Variants in ZNF354A observed in about 807,000 individuals in gnomAD.
The protein encoded by ZNF354A is epididymis luminal protein 104.
A neutral mutation model predicts 53.3 loss-of-function variants in ZNF354A; 25 were observed. That is an observed-to-expected ratio of 0.47 (90% CI 0.34 to 0.66). The LOEUF is 0.66. Among genes scored for constraint, ZNF354A ranks in the 30% least tolerant of loss-of-function variants. ZNF354A has a pLI of 0.01. For synonymous variants in ZNF354A, 228 were observed against 249.0 expected, an observed-to-expected ratio of 0.92 and a Z score of 0.79; for missense variants, 586 against 716.8, an observed-to-expected ratio of 0.82 and a Z score of 2.08.
At position 178,712,526 on chromosome 5, in the gene ZNF354A, G is replaced by A. The variant is rs1765638469; in HGVS notation, c.1352C>T (p.Ser451Leu). 1.9e-6 allele frequency: 3 copies of A among 1,613,996 alleles called. No individual in the cohort carries two copies. Among genetic ancestry groups the A allele is most frequent in the South Asian group, 2.2e-5 (2 of 91,080 alleles). The change falls in exon 5 of 5, where the codon TCA (serine) becomes TTA (leucine). Residue 451 changes from serine (S) to leucine (L), a missense_variant. Coordinates refer to ENST00000335815, the MANE Select transcript of ZNF354A (RefSeq NM_005649.3). ...AATTCGCTCGTGAATAATAAGTGTT[G>A]AGTGGGAGCTTAAGGCTTTACCACA... Reference protein sequence around the residue: ...NECGKALSSHSTLIIHERIHT... With the variant: ...NECGKALSSHLTLIIHERIHT...
intron 4 of ZNF354A, among the ~76,000 whole-genome samples, chr5:178,714,856 G>C (rs1038093595): frequency 6.6e-6 from 1 of 152,200 alleles, no homozygotes; most frequent in African/African-American, 2.4e-5. Flanking sequence ...GTACATGGGT[G>C]ATTAGAGAGG....
At chr5:178,726,924 C>G (rs5011203) in intron 3 of ZNF354A, 75 bp downstream of exon 3, 2 of 1,527,092 alleles carry the variant, frequency 1.3e-6, no homozygotes, top group Non-Finnish European at 1.8e-6. Flanking sequence ...AGTGACCAAC[C>G]GCTTTTATTC....
chr5:178,721,218 C>T (rs760308722), intron 4 of ZNF354A, among the ~76,000 whole-genome samples: 40 of 151,920 alleles, frequency 2.6e-4, no homozygotes, highest in African/African-American at 6.8e-4. Flanking sequence ...CTGAGATACG[C>T]GTTGTTGGCG....
chr5:178,725,905 T>C (rs1301992993), intron 3 of ZNF354A, among the ~76,000 whole-genome samples: 1 of 152,152 alleles, frequency 6.6e-6, no homozygotes, highest in Non-Finnish European at 1.5e-5. Context: ...TGGAGTGCAG[T>C]GGCGCAATCT....
chr5:178,723,798 C>A (rs566637277), intron 4 of ZNF354A, among the ~76,000 whole-genome samples: 10 of 151,982 alleles, frequency 6.6e-5, no homozygotes, highest in Non-Finnish European at 1.2e-4. Flanking sequence ...CCAGAGCCCC[C>A]CCAGTTCAAC....
At chr5:178,725,333 A>AC in intron 4 of ZNF354A, 43 bp downstream of exon 4, 1 of 1,586,080 alleles carries the variant, frequency 6.3e-7, no homozygotes, top group East Asian at 2.2e-5. Flanking sequence ...CATTAACCAG[A>AC]CCATTGTCTG....
chr5:178,716,120 C>A (rs190520553), intron 4 of ZNF354A, among the ~76,000 whole-genome samples: 23 of 152,194 alleles, frequency 1.5e-4, no homozygotes, highest in Admixed American at 1.2e-3. Context: ...TGGTCTCGAA[C>A]TCCTGATCTC....
chr5:178,714,892 G>T (rs566225415), intron 4 of ZNF354A, among the ~76,000 whole-genome samples: 32 of 152,308 alleles, frequency 2.1e-4, no homozygotes, highest in Admixed American at 2.0e-3. Context: ...AAACAGGAGG[G>T]CCCTGTTATT....
At chr5:178,723,237 G>C (rs1203947148) in intron 4 of ZNF354A, among the ~76,000 whole-genome samples, 1 of 152,246 alleles carries the variant, frequency 6.6e-6, no homozygotes, top group African/African-American at 2.4e-5. Context: ...GACCGAGGCT[G>C]CCTGCCCTGC....
In ZNF354A at chr5:178,724,295, GC is replaced by G. The variant is rs1239052153; in HGVS notation, c.256+1080del. 3.3e-5 allele frequency among the ~76,000 whole-genome samples: 5 copies of G among 151,342 alleles called. No homozygotes were observed. In the South Asian group the frequency reaches 1.1e-3, roughly 32 times the overall value. On this transcript the variant is annotated intron_variant, in intron 4 of 4. Transcript: ENST00000335815. ...GCTGGAGTGAAGTGGCGCAATCTCG[GC>G]TCACTGCAACCTCCGCCTCCCGGGT...
At position 178,721,326 on chromosome 5, in the gene ZNF354A, T is replaced by A. The variant is rs187764501; in HGVS notation, c.256+4050A>T. Reference sequence around the variant, plus strand: ...CTATACAGCATGTTACTTAGCTGAATACTGTAGGCTACTGTAACACAATTG... The same window carrying A: ...CTATACAGCATGTTACTTAGCTGAAAACTGTAGGCTACTGTAACACAATTG... On this transcript the variant is annotated intron_variant, in intron 4 of 4. Coordinates refer to ENST00000335815, the MANE Select transcript of ZNF354A (RefSeq NM_005649.3). Among the ~76,000 whole-genome samples, 151 of 152,284 alleles carry A rather than the reference T, an allele frequency of 9.9e-4. 1 individual carries two copies. Among genetic ancestry groups the A allele is most frequent in the Middle Eastern group, 6.8e-3 (2 of 294 alleles).
intron 2 of ZNF354A, among the ~76,000 whole-genome samples, chr5:178,728,754 G>A (rs1014213128): frequency 7.7e-6 from 1 of 129,966 alleles, no homozygotes; most frequent in African/African-American, 3.0e-5. Context: ...CCGAGATCCC[G>A]CCACTGCCTG....
intron 4 of ZNF354A, among the ~76,000 whole-genome samples, chr5:178,718,712 C>T (rs1356760172): frequency 6.6e-6 from 1 of 152,050 alleles, no homozygotes; most frequent in Non-Finnish European, 1.5e-5. Context: ...TTTCTCTTCC[C>T]TAGGCAGTCA....
intron 1 of ZNF354A, among the ~76,000 whole-genome samples, chr5:178,730,244 G>C (rs912318517): frequency 1.3e-5 from 2 of 152,130 alleles, no homozygotes; most frequent in Non-Finnish European, 2.9e-5. Context: ...CTCGGAAACC[G>C]GGGCCCGGCT....
chr5:178,719,312 G>A (rs914161020), intron 4 of ZNF354A, among the ~76,000 whole-genome samples: 2 of 152,180 alleles, frequency 1.3e-5, no homozygotes, highest in African/African-American at 2.4e-5. Context: ...TAGAAATGAA[G>A]ACATCAGTAG....
In ZNF354A at chr5:178,729,872, G is replaced by GCTTCTTTTTTTTTTTTTTT. The variant is rs746292908; in HGVS notation, c.-52+683_-52+684insAAAAAAAAAAAAAAAGAAG. 4.2e-5 allele frequency among the ~76,000 whole-genome samples: 6 copies of GCTTCTTTTTTTTTTTTTTT among 143,332 alleles called. 1 individual carries two copies. The highest frequency in any genetic ancestry group is 2.2e-4 in the South Asian group (1 of 4,484). 94.0% of individuals were successfully genotyped at this position (143,332 alleles called of 152,430 possible). A position where few individuals can be genotyped will look rare whatever the true frequency, so the allele number is the denominator to read the frequency against. Reference sequence around the variant, plus strand: ...CCATGTATCCCATTTCTAACACGATGTTTCTTTTTTGAGACGGAGTCTCGC... The same window carrying GCTTCTTTTTTTTTTTTTTT: ...CCATGTATCCCATTTCTAACACGATGCTTCTTTTTTTTTTTTTTTTTTCTTTTTTGAGACGGAGTCTCGC... On this transcript the variant is annotated intron_variant, in intron 1 of 4. Transcript: ENST00000335815.
At chr5:178,726,924 C>T (rs5011203) in intron 3 of ZNF354A, 75 bp downstream of exon 3, 55 of 1,527,092 alleles carry the variant, frequency 3.6e-5, no homozygotes, top group African/African-American at 3.1e-4. Flanking sequence ...AGTGACCAAC[C>T]GCTTTTATTC....
At chr5:178,726,058 G>T (rs1765900074) in intron 3 of ZNF354A, 1 of 403,472 alleles carries the variant, frequency 2.5e-6, no homozygotes, top group Non-Finnish European at 5.1e-6. Context: ...TGGCCAGGAT[G>T]GTCTTGATCT....
chr5:178,722,578 G>C (rs766388267), intron 4 of ZNF354A, among the ~76,000 whole-genome samples: 2 of 152,182 alleles, frequency 1.3e-5, no homozygotes, highest in Non-Finnish European at 2.9e-5. Context: ...CCTGCTGGCT[G>C]TATCTCCTGG....
Sources: allele counts gnomAD v4.1 joint callset (sites outside exome capture counted in the v4.1 genomes callset), GRCh38; gene constraint gnomAD v4.1.1; transcripts MANE v1.5; gene names NCBI Gene and HGNC (gene_info 2026-07-23, HGNC 2026-07-21).